Variants in MCM6 observed in about 807,000 individuals in gnomAD.
MCM6 encodes DNA replication licensing factor MCM6.
In MCM6, 46 loss-of-function variants were observed where a neutral mutation model predicts 94.3. The ratio of observed to expected loss-of-function variants is 0.49; its 90% CI spans 0.39 to 0.62. MCM6 has a LOEUF of 0.62. MCM6 is among the 20% of genes least tolerant of loss of function. The probability of loss-of-function intolerance (pLI) is 0.00; values close to 1 mark genes in which losing one functional copy is unlikely to be tolerated. For missense variants in MCM6, 865 were observed against 1,017.9 expected (o/e 0.85, Z 2.04); for synonymous variants, 335 against 351.9 (o/e 0.95, Z 0.54).
chr2:135,870,381 G>C lies in MCM6; in HGVS notation c.255-20C>G. 1.9e-6 allele frequency: 3 copies of C among 1,570,828 alleles called. No homozygotes were observed. The highest frequency in any genetic ancestry group is 2.6e-6 in the Non-Finnish European group (3 of 1,140,916). Reference sequence around the variant, plus strand: ...TAAACTCTGAAAAACAAAAAAGTCAGCTGATACCTTAGAGGTTTACCAAGG... The same window carrying C: ...TAAACTCTGAAAAACAAAAAAGTCACCTGATACCTTAGAGGTTTACCAAGG... On this transcript the variant is annotated intron_variant, in intron 2 of 16. Transcript: ENST00000264156.
intron 1 of MCM6, among the ~76,000 whole-genome samples, chr2:135,873,419 A>T (rs188680): frequency 6.6e-6 from 1 of 152,028 alleles, no homozygotes; most frequent in Non-Finnish European, 1.5e-5. Flanking sequence ...CAGAACAGAA[A>T]TAAGAATACA....
chr2:135,844,633 T>A lies in MCM6; in HGVS notation c.2261A>T (p.Lys754Met). Residue 754 changes from lysine to methionine, a missense_variant, in exon 16 of 17, where the codon AAG becomes ATG. Coordinates refer to ENST00000264156, the MANE Select transcript of MCM6 (RefSeq NM_005915.6). ...KRSELVNWYL[K>M]EIESEIDSEE... ...AGAGTCTATCTCTGATTCGATTTCC[T>A]TCAAGTACCAGTTAACAAGCTCGCT... 1 of 1,591,766 alleles carries A rather than the reference T, an allele frequency of 6.3e-7. No individual in the cohort carries two copies. Among genetic ancestry groups the A allele is most frequent in the Non-Finnish European group, 8.5e-7 (1 of 1,171,170 alleles).
rs112919853 is a variant in MCM6, at chr2:135,851,342, T to G, written c.1917+60A>C. The G allele has an allele frequency of 7.8e-6, 11 of 1,401,352 alleles. No individual in the cohort carries two copies. The Admixed American group carries it at 1.3e-4, about 17-fold the overall frequency. 86.8% of individuals were successfully genotyped at this position (1,401,352 alleles called of 1,614,324 possible). ...TTCTAGTATGTCCCATACCAAAGAT[T>G]AAAAACATGCAACAAATCTGTTTAT... is the stretch of plus-strand genomic sequence containing the variant. On this transcript the variant is annotated intron_variant, in intron 13 of 16. Coordinates refer to ENST00000264156, the MANE Select transcript of MCM6 (RefSeq NM_005915.6).
intron 16 of MCM6, among the ~76,000 whole-genome samples, chr2:135,843,903 A>C (rs1302685462): frequency 6.6e-6 from 1 of 152,066 alleles, no homozygotes; most frequent in African/African-American, 2.4e-5. Flanking sequence ...GAGAATGGCC[A>C]GCTGACAGGA....
intron 8 of MCM6, among the ~76,000 whole-genome samples, 169 bp from the exon 9 acceptor site, chr2:135,859,611 C>CT (rs560217201): frequency 1.6e-3 from 225 of 144,526 alleles, no homozygotes; most frequent in East Asian, 3.2e-3. Context: ...CTCGGCTTTT[C>CT]TTTTTTTTTT....
Position 135,843,749 on chromosome 2 carries a change from C to A in MCM6, c.2349+796G>T, listed in dbSNP as rs796513100. Reference sequence around the variant, plus strand: ...CTGTCTCAAAAAAAAAAAAAAAAAACAAAACCATTCAGGGAAAGAGACTAA... The same window carrying A: ...CTGTCTCAAAAAAAAAAAAAAAAAAAAAAACCATTCAGGGAAAGAGACTAA... On this transcript the variant is annotated intron_variant, in intron 16 of 16. Coordinates refer to ENST00000264156, the MANE Select transcript of MCM6 (RefSeq NM_005915.6). 2.4e-3 allele frequency among the ~76,000 whole-genome samples: 264 copies of A among 109,666 alleles called. 2 individuals carry two copies. The highest frequency in any genetic ancestry group is 6.0e-3 in the African/African-American group (153 of 25,402). The allele number at this position is 109,666 out of a possible 152,430, so 71.9% of individuals were successfully genotyped here. A position where few individuals can be genotyped will look rare whatever the true frequency, so the allele number is the denominator to read the frequency against.
At chr2:135,843,730 CAAAA>C (rs55634938) in intron 16 of MCM6, among the ~76,000 whole-genome samples, 3 of 90,924 alleles carry the variant, frequency 3.3e-5, no homozygotes, top group Non-Finnish European at 4.8e-5. Flanking sequence ...AACTCTGTCT[CAAAA>C]AAAAAAAAAA....
rs1487681495 is a variant in MCM6, at chr2:135,851,428, T to C, written c.1891A>G (p.Met631Val). Residue 631 changes from methionine (M) to valine (V), a missense_variant, in exon 13 of 17, where the codon ATG (methionine) becomes GTG (valine). By Grantham distance (21) the Met-to-Val change is conservative. This residue lies in a region of MCM6 where 308 missense variants were observed against 324.5 expected (regional missense o/e 0.95). Transcript: ENST00000264156. The stretch of plus-strand genomic sequence containing the variant: ...TCATCACAGCAGTGCATCCGAGCCA[T>C]AGCTTCAGAGAGACGAATCATGCTC... Reference protein sequence around the residue: ...LESMIRLSEAMARMHCCDEVQ... With the variant: ...LESMIRLSEAVARMHCCDEVQ... The C allele has an allele frequency of 1.9e-6, 3 of 1,613,732 alleles. No homozygotes were observed. Among genetic ancestry groups the C allele is most frequent in the South Asian group, 2.2e-5 (2 of 91,006 alleles).
chr2:135,862,502 A>G, intron 8 of MCM6, 105 bp downstream of exon 8: 1 of 1,205,928 alleles, frequency 8.3e-7, no homozygotes, highest in East Asian at 2.4e-5. Context: ...CATAGTCATA[A>G]TTTACACTCC....
chr2:135,876,437 G>A lies in MCM6; in HGVS notation c.-72C>T, dbSNP rs1165786503. On this transcript the variant is annotated 5_prime_UTR_variant, in exon 1 of 17. Coordinates refer to ENST00000264156, the MANE Select transcript of MCM6 (RefSeq NM_005915.6). ...AAGTCGCTTTTTTCCAGACGCTGCA[G>A]CTTTGCGCGCGCCGCCGCCGCTTCC... 12 of 1,304,640 alleles carry A rather than the reference G, an allele frequency of 9.2e-6. No individual in the cohort carries two copies. Among genetic ancestry groups the A allele is most frequent in the East Asian group, 2.7e-5 (1 of 37,004 alleles). The allele number at this position is 1,304,640 out of a possible 1,614,324, so 80.8% of individuals were successfully genotyped here. A position where few individuals can be genotyped will look rare whatever the true frequency, so the allele number is the denominator to read the frequency against.
intron 1 of MCM6, among the ~76,000 whole-genome samples, chr2:135,875,158 G>C (rs1005265982): frequency 3.3e-5 from 5 of 152,196 alleles, no homozygotes; most frequent in Admixed American, 2.6e-4. Context: ...CTGAGGTCGG[G>C]AGTTCAAGAC....
chr2:135,876,379 C>T lies in MCM6; in HGVS notation c.-14G>A. ...CGCGAGGTCCATATTTGCTTAGTGC[C>T]GAGGATTCGCCTGCGCCACGCTCGA... is the stretch of plus-strand genomic sequence containing the variant. On this transcript the variant is annotated 5_prime_UTR_variant, in exon 1 of 17. Transcript: ENST00000264156. 7 of 1,590,876 alleles carry T rather than the reference C, an allele frequency of 4.4e-6. No homozygotes were observed. The highest frequency in any genetic ancestry group is 6.0e-6 in the Non-Finnish European group (7 of 1,172,160).
At chr2:135,854,516 C>T (rs1679835496) in intron 11 of MCM6, among the ~76,000 whole-genome samples, 1 of 103,740 alleles carries the variant, frequency 9.6e-6, no homozygotes, top group African/African-American at 3.9e-5. Context: ...GGTAACAGAG[C>T]GAGACTCCAT....
chr2:135,870,437 C>T (rs963395014), intron 2 of MCM6, 76 bp from the exon 3 acceptor site: 8 of 951,786 alleles, frequency 8.4e-6, no homozygotes, highest in East Asian at 2.4e-5. Flanking sequence ...TACCAACAGC[C>T]GAGATTAAGG....
At chr2:135,852,139 C>A (rs1558756514) in intron 12 of MCM6, among the ~76,000 whole-genome samples, 1 of 152,130 alleles carries the variant, frequency 6.6e-6, no homozygotes, top group Non-Finnish European at 1.5e-5. Context: ...GATTAAATTT[C>A]TTTGGGACAG....
At chr2:135,859,497 C>T in intron 8 of MCM6, 55 bp from the exon 9 acceptor site, 1 of 1,247,790 alleles carries the variant, frequency 8.0e-7, no homozygotes, top group Non-Finnish European at 1.1e-6. Flanking sequence ...CAGCACCCTT[C>T]CCAGGAAAAC....
chr2:135,876,408 C>T lies in MCM6; in HGVS notation c.-43G>A. 2.0e-6 allele frequency: 3 copies of T among 1,523,524 alleles called. No individual in the cohort carries two copies. The highest frequency in any genetic ancestry group is 2.7e-6 in the Non-Finnish European group (3 of 1,131,258). The allele number at this position is 1,523,524 out of a possible 1,614,324, so 94.4% of individuals were successfully genotyped here. A position where few individuals can be genotyped will look rare whatever the true frequency, so the allele number is the denominator to read the frequency against. On this transcript the variant is annotated 5_prime_UTR_variant, in exon 1 of 17. Coordinates refer to ENST00000264156, the MANE Select transcript of MCM6 (RefSeq NM_005915.6). Reference sequence around the variant, plus strand: ...GATTCGCCTGCGCCACGCTCGACCGCCACAAGTCGCTTTTTTCCAGACGCT... The same window carrying T: ...GATTCGCCTGCGCCACGCTCGACCGTCACAAGTCGCTTTTTTCCAGACGCT...
intron 11 of MCM6, 135 bp downstream of exon 11, chr2:135,856,593 T>C: frequency 1.3e-6 from 1 of 794,824 alleles, no homozygotes; most frequent in South Asian, 2.3e-5. Flanking sequence ...AAACCCTTTG[T>C]CCGATCCTGT....
rs3087345 is a variant in MCM6, at chr2:135,857,924, G to A, written c.1443C>T (p.Thr481=). Residue 481 remains threonine (T), a synonymous_variant, in exon 10 of 17, where the codon ACC becomes ACT. Coordinates refer to ENST00000264156, the MANE Select transcript of MCM6 (RefSeq NM_005915.6). ...VAIHEAMEQQ[T]ISITKAGVKA... ...TCACTCCTGCTTTAGTGATGGATAT[G>A]GTCTGCTGTTCCATAGCTTCATGAA... is the stretch of plus-strand genomic sequence containing the variant. The A allele has an allele frequency of 8.1e-6, 13 of 1,613,764 alleles. No homozygotes were observed. In the East Asian group the frequency reaches 8.9e-5, roughly 11 times the overall value.
Sources: gnomAD v4.1 joint callset for allele counts (sites outside exome capture counted in the v4.1 genomes callset) on GRCh38, gnomAD v4.1.1 for gene constraint, gnomAD v4.1.1 regional missense constraint, MANE v1.5 for transcripts, NCBI Gene and HGNC (gene_info 2026-07-23, HGNC 2026-07-21) for gene names.